PTPRD: variants seen among roughly 807,000 people sequenced by gnomAD.
The protein encoded by PTPRD is protein tyrosine phosphatase receptor type D, also known as receptor-type tyrosine-protein phosphatase delta.
PTPRD carries 34 observed loss-of-function variants against 214.5 expected under a neutral mutation model. That is an observed-to-expected ratio of 0.16 (90% CI 0.12 to 0.21). The LOEUF is 0.21. PTPRD is among the 10% of genes least tolerant of loss of function. The probability of loss-of-function intolerance (pLI) is 1.00; values close to 1 mark genes in which losing one functional copy is unlikely to be tolerated. For missense variants in PTPRD, 2,545 were observed against 2,398.7 expected, an observed-to-expected ratio of 1.06 and a Z score of -1.27; for synonymous variants, 1,128 against 845.7, an observed-to-expected ratio of 1.33 and a Z score of -5.79.
intron 10 of PTPRD, among the ~76,000 whole-genome samples, chr9:9,030,541 T>C (rs568431122): frequency 1.6e-4 from 25 of 151,870 alleles, no homozygotes; most frequent in African/African-American, 5.8e-4. Context: ...CCCTTACTGC[T>C]TAAAATATAC....
chr9:9,705,584 T>C (rs2097584645), intron 7 of PTPRD, among the ~76,000 whole-genome samples: 1 of 152,116 alleles, frequency 6.6e-6, no homozygotes, highest in Non-Finnish European at 1.5e-5. Flanking sequence ...AAGCATATAA[T>C]AAAGATAGTA....
intron 31 of PTPRD, among the ~76,000 whole-genome samples, chr9:8,466,547 T>G (rs2096547805): frequency 6.6e-6 from 1 of 151,956 alleles, no homozygotes. Flanking sequence ...TTATGAACAC[T>G]GATTTCAAAG....
rs1424509703 is a variant in PTPRD, at chr9:9,274,392, C to A, written c.-202-91029G>T. On this transcript the variant is annotated intron_variant, in intron 9 of 45. Transcript: ENST00000381196. ...ACTTTAAATCATTTGTGGTAAATGT[C>A]TGCATAAATAGATACTCAACCAATT... Among the ~76,000 whole-genome samples, 5 of 151,444 alleles carry A rather than the reference C, an allele frequency of 3.3e-5. No individual in the cohort carries two copies. The South Asian group carries it at 1.0e-3, about 31-fold the overall frequency.
chr9:8,950,473 T>TG (rs1200288802), intron 11 of PTPRD, among the ~76,000 whole-genome samples: 14 of 144,778 alleles, frequency 9.7e-5, no homozygotes, highest in Admixed American at 6.1e-4. Flanking sequence ...AGTCACCTTC[T>TG]GAAAAAAAAA....
chr9:8,592,888 T>C (rs532436412), intron 14 of PTPRD, among the ~76,000 whole-genome samples: 1 of 152,320 alleles, frequency 6.6e-6, no homozygotes, highest in South Asian at 2.1e-4. Flanking sequence ...CTAAGTTGAA[T>C]CGTGAAGGAT....
At chr9:8,323,975 T>C (rs1379223874) in intron 44 of PTPRD, among the ~76,000 whole-genome samples, 1 of 152,098 alleles carries the variant, frequency 6.6e-6, no homozygotes, top group Non-Finnish European at 1.5e-5. Flanking sequence ...TTTTAAGAAA[T>C]TGCTACAGCC....
At chr9:10,188,480 T>C (rs78913271) in intron 3 of PTPRD, among the ~76,000 whole-genome samples, 159 of 152,306 alleles carry the variant, frequency 1.0e-3, no homozygotes, top group Non-Finnish European at 1.1e-3. Flanking sequence ...TTAACTTTTT[T>C]TGACTTTCCA....
chr9:9,323,762 T>C (rs571947827), intron 9 of PTPRD, among the ~76,000 whole-genome samples: 1 of 152,316 alleles, frequency 6.6e-6, no homozygotes, highest in South Asian at 2.1e-4. Flanking sequence ...TACATATGTA[T>C]ACATGTGCCA....
chr9:9,652,806 G>C (rs1039979643), intron 7 of PTPRD, among the ~76,000 whole-genome samples: 1 of 151,566 alleles, frequency 6.6e-6, no homozygotes, highest in Non-Finnish European at 1.5e-5. Context: ...TAGTGATGGG[G>C]CTTCACCATA....
At chr9:9,216,709 T>C (rs958699790) in intron 9 of PTPRD, among the ~76,000 whole-genome samples, 3 of 152,202 alleles carry the variant, frequency 2.0e-5, no homozygotes, top group Non-Finnish European at 4.4e-5. Context: ...GTGCCTTATC[T>C]TTCTTTTTCT....
At chr9:8,547,962 A>G (rs757084879) in intron 14 of PTPRD, among the ~76,000 whole-genome samples, 31 of 152,204 alleles carry the variant, frequency 2.0e-4, no homozygotes, top group Non-Finnish European at 4.0e-4. Context: ...AGCTGCAAAA[A>G]CAGTCCCTTA....
At chr9:8,620,203 A>G (rs1184770143) in intron 14 of PTPRD, among the ~76,000 whole-genome samples, 6 of 152,036 alleles carry the variant, frequency 3.9e-5, no homozygotes, top group Admixed American at 2.0e-4. Context: ...CTAATTGCCA[A>G]TAAAACCTGA....
At chr9:8,826,052 C>G (rs2097168729) in intron 11 of PTPRD, among the ~76,000 whole-genome samples, 1 of 152,132 alleles carries the variant, frequency 6.6e-6, no homozygotes, top group South Asian at 2.1e-4. Context: ...TCATTTTACC[C>G]AGCTTTTAAG....
intron 10 of PTPRD, among the ~76,000 whole-genome samples, chr9:9,057,596 A>T (rs557526246): frequency 6.6e-6 from 1 of 152,312 alleles, no homozygotes; most frequent in East Asian, 1.9e-4. Context: ...GAGAAAGTTG[A>T]TGGGTAGATC....
intron 17 of PTPRD, among the ~76,000 whole-genome samples, chr9:8,526,023 GA>G (rs1478193664): frequency 6.6e-6 from 1 of 152,056 alleles, no homozygotes; most frequent in African/African-American, 2.4e-5. Flanking sequence ...GATTGTAGAC[GA>G]GTGGGATCAG....
chr9:10,515,414 G>A (rs1308990454), intron 2 of PTPRD, among the ~76,000 whole-genome samples: 1 of 151,748 alleles, frequency 6.6e-6, no homozygotes, highest in Non-Finnish European at 1.5e-5. Flanking sequence ...AAAGGGCAAC[G>A]CCATTTGGCG....
chr9:9,787,848 C>T (rs943711884), intron 5 of PTPRD, among the ~76,000 whole-genome samples: 2 of 151,800 alleles, frequency 1.3e-5, no homozygotes, highest in African/African-American at 4.8e-5. Context: ...ATGGCGTGAT[C>T]TCGGCTCACT....
At chr9:9,127,275 T>A (rs574248271) in intron 10 of PTPRD, among the ~76,000 whole-genome samples, 13 of 152,160 alleles carry the variant, frequency 8.5e-5, no homozygotes, top group African/African-American at 3.1e-4. Context: ...CAGCTGGGAA[T>A]TGATTGCTTT....
intron 3 of PTPRD, among the ~76,000 whole-genome samples, chr9:10,238,209 CACATA>C (rs2099635472): frequency 6.6e-6 from 1 of 151,744 alleles, no homozygotes; most frequent in Non-Finnish European, 1.5e-5. Flanking sequence ...GCACTCAGGG[CACATA>C]ACGTTGCTTC....
Sources: gnomAD v4.1 joint callset for allele counts (sites outside exome capture counted in the v4.1 genomes callset) on GRCh38, gnomAD v4.1.1 for gene constraint, MANE v1.5 for transcripts, NCBI Gene and HGNC (gene_info 2026-07-23, HGNC 2026-07-21) for gene names.